The following MEGF6 variants were observed in gnomAD, a reference collection of about 807,000 sequenced individuals.
MEGF6 encodes multiple EGF like domains 6.
In MEGF6, 184 loss-of-function variants were observed where a neutral mutation model predicts 207.1. The observed-to-expected ratio is 0.89, with a 90% CI of 0.79 to 1.00. The LOEUF is 1.00. Ranked by LOEUF, MEGF6 falls within the 50% of genes least tolerant of loss-of-function variation. The pLI is 0.00. For synonymous variants in MEGF6, 1,038 were observed against 910.0 expected (o/e 1.14, Z -2.53); for missense variants, 2,282 against 2,202.9 (o/e 1.04, Z -0.72).
intron 17 of MEGF6, 62 bp downstream of exon 17, chr1:3,505,146 C>A (rs1004256671): frequency 1.3e-6 from 2 of 1,579,748 alleles, no homozygotes; most frequent in Admixed American, 1.7e-5. Flanking sequence ...TACCCTCCAG[C>A]CAGGCAGGCA....
intron 3 of MEGF6, among the ~76,000 whole-genome samples, chr1:3,591,043 C>T (rs1643968343): frequency 1.3e-5 from 2 of 152,152 alleles, no homozygotes; most frequent in Non-Finnish European, 2.9e-5. Flanking sequence ...TGACTCTCAG[C>T]AGACCCCACA....
chr1:3,589,818 CT>C (rs1175043753), intron 3 of MEGF6, among the ~76,000 whole-genome samples: 1 of 152,202 alleles, frequency 6.6e-6, no homozygotes, highest in African/African-American at 2.4e-5. Flanking sequence ...CTTTATTTTC[CT>C]TTTCTAAGAT....
In MEGF6 at chr1:3,497,109, G is replaced by A. The variant is rs75138604; in HGVS notation, c.3492C>T (p.Pro1164=). The change falls in exon 28 of 37, where the codon CCC becomes CCT. Residue 1164 remains proline, a synonymous_variant. Coordinates refer to ENST00000356575, the MANE Select transcript of MEGF6 (RefSeq NM_001409.4). The part of the protein sequence containing the change: ...TGSGCEQACP[P]GSFGEDCAQM... ...GCGCACAGTCCTCCCCAAAGCTGCC[G>A]GGTGGGCAGGCTGGGTGGAGACAGG... is the stretch of plus-strand genomic sequence containing the variant. The A allele has an allele frequency of 7.6e-4, 1,201 of 1,574,226 alleles. 10 individuals carry two copies. The African/African-American group carries it at 0.013, about 17-fold the overall frequency.
Position 3,492,705 on chromosome 1 carries a change from C to T in MEGF6, c.4450G>A (p.Asp1484Asn). 1 of 1,612,648 alleles carries T rather than the reference C, an allele frequency of 6.2e-7. No individual in the cohort carries two copies. The highest frequency in any genetic ancestry group is 8.5e-7 in the Non-Finnish European group (1 of 1,179,866). Residue 1484 changes from aspartate (D) to asparagine (N), a missense_variant, in exon 35 of 37, where the codon GAC becomes AAC. Asp to Asn is a conservative substitution (Grantham distance 23). Coordinates refer to ENST00000356575, the MANE Select transcript of MEGF6 (RefSeq NM_001409.4). ...TLHCDCGGGA[D>N]CDPVSGQCHC... ...CACTGCCCACTGACAGGGTCGCAGT[C>T]AGCCCCACCCCCGCAGTCACAGTGC...
chr1:3,507,276 T>C (rs1260959205), intron 14 of MEGF6, among the ~76,000 whole-genome samples: 1 of 152,172 alleles, frequency 6.6e-6, no homozygotes, highest in African/African-American at 2.4e-5. Flanking sequence ...GAGGCAGAAA[T>C]GATGAAGTCT....
upstream of MEGF6, among the ~76,000 whole-genome samples, chr1:3,614,315 C>G (rs1644361028): frequency 6.6e-6 from 1 of 152,188 alleles, no homozygotes; most frequent in Admixed American, 6.5e-5. Flanking sequence ...GTCTCAGTCC[C>G]AAAGTGTGTC....
chr1:3,503,525 G>A (rs1302574650), intron 17 of MEGF6, among the ~76,000 whole-genome samples: 1 of 152,120 alleles, frequency 6.6e-6, no homozygotes, highest in Non-Finnish European at 1.5e-5. Context: ...AGGAACTGGG[G>A]GCTCCGGGAG....
intron 5 of MEGF6, among the ~76,000 whole-genome samples, chr1:3,520,576 A>AC (rs1641707883): frequency 6.6e-6 from 1 of 151,548 alleles, no homozygotes; most frequent in African/African-American, 2.4e-5. Context: ...GGGGCACACC[A>AC]GGACTGAGCG....
At chr1:3,545,521 G>C (rs539165872) in intron 4 of MEGF6, among the ~76,000 whole-genome samples, 1 of 152,276 alleles carries the variant, frequency 6.6e-6, no homozygotes, top group East Asian at 1.9e-4. Context: ...GACAAGGGTG[G>C]GGGCCCTGCA....
intron 20 of MEGF6, 77 bp from the exon 21 acceptor site, chr1:3,500,841 G>T: frequency 6.3e-7 from 1 of 1,593,226 alleles, no homozygotes. Context: ...AGGCACAGGG[G>T]CGTCTCAGGA....
At chr1:3,615,657 G>T (rs545060093), upstream of MEGF6, among the ~76,000 whole-genome samples, 2 of 152,240 alleles carry the variant, frequency 1.3e-5, no homozygotes, top group Admixed American at 1.3e-4. Flanking sequence ...AAATGTAGAT[G>T]CCCGCACCCG....
In MEGF6 at chr1:3,511,561, C is replaced by T. The variant is rs1258305458; in HGVS notation, c.1103G>A (p.Arg368Lys). The change falls in exon 9 of 37, where the codon AGG becomes AAG. Residue 368 changes from arginine to lysine, a missense_variant. Arg to Lys is a conservative substitution (Grantham distance 26). Transcript: ENST00000356575. ...GAGCCAGTGCGCACCGATGCAGGTCCTCTGATCTGTGTCCAGCTCGTAGCC... is the reference window on the plus strand; with the variant it reads ...GAGCCAGTGCGCACCGATGCAGGTCTTCTGATCTGTGTCCAGCTCGTAGCC... ...PRGYELDTDQ[R>K]TCIDVDDCAD... The T allele has an allele frequency of 1.2e-6, 2 of 1,608,776 alleles. No homozygotes were observed. Among genetic ancestry groups the T allele is most frequent in the East Asian group, 4.5e-5 (2 of 44,728 alleles).
intron 4 of MEGF6, among the ~76,000 whole-genome samples, chr1:3,546,344 G>A (rs1279090315): frequency 6.6e-6 from 1 of 152,226 alleles, no homozygotes; most frequent in African/African-American, 2.4e-5. Flanking sequence ...CCCAGGTCTT[G>A]CCTGAGCCAT....
chr1:3,499,299 G>T (rs769085294), intron 23 of MEGF6, 33 bp from the exon 24 acceptor site: 2 of 1,583,242 alleles, frequency 1.3e-6, no homozygotes, highest in Non-Finnish European at 8.6e-7. Flanking sequence ...AGAGCCAGGG[G>T]TGGGCAGGAC....
chr1:3,564,397 T>C (rs1457006603), intron 4 of MEGF6, among the ~76,000 whole-genome samples: 2 of 152,012 alleles, frequency 1.3e-5, no homozygotes, highest in East Asian at 1.9e-4. Flanking sequence ...CTGGGGGAGC[T>C]GTGCAGAGGT....
At chr1:3,576,224 G>A (rs921698544) in intron 4 of MEGF6, among the ~76,000 whole-genome samples, 11 of 152,230 alleles carry the variant, frequency 7.2e-5, no homozygotes, top group Non-Finnish European at 1.5e-4. Context: ...TGCTCCCACG[G>A]CTCCCGCTGC....
At chr1:3,501,372 A>G in intron 18 of MEGF6, 64 bp from the exon 19 acceptor site, 1 of 1,516,490 alleles carries the variant, frequency 6.6e-7, no homozygotes, top group Admixed American at 2.0e-5. Flanking sequence ...TCAACATAAC[A>G]TGGCACGATG....
chr1:3,544,296 C>A (rs1642633408), intron 4 of MEGF6, among the ~76,000 whole-genome samples: 1 of 145,982 alleles, frequency 6.9e-6, no homozygotes, highest in Non-Finnish European at 1.5e-5. Flanking sequence ...GCCAGCCTGA[C>A]CAGGCTCTGG....
Position 3,494,602 on chromosome 1 carries a change from C to T in MEGF6, c.4000+11G>A, listed in dbSNP as rs371053382. 2.3e-5 allele frequency: 36 copies of T among 1,561,432 alleles called. No individual in the cohort carries two copies. Among genetic ancestry groups the T allele is most frequent in the Non-Finnish European group, 2.8e-5 (32 of 1,155,984 alleles). Reference sequence around the variant, plus strand: ...GGGGATGCTGGGGTCCCGCTGGCCCCGCACACTCACCCAGCTCGCAGTGCC... The same window carrying T: ...GGGGATGCTGGGGTCCCGCTGGCCCTGCACACTCACCCAGCTCGCAGTGCC... On this transcript the variant is annotated intron_variant, in intron 31 of 36. Transcript: ENST00000356575.
Sources: allele counts gnomAD v4.1 joint callset (sites outside exome capture counted in the v4.1 genomes callset), GRCh38; gene constraint gnomAD v4.1.1; transcripts MANE v1.5; gene names NCBI Gene and HGNC (gene_info 2026-07-23, HGNC 2026-07-21).